Variants in IL1RAPL1 observed in about 807,000 individuals in gnomAD.
IL1RAPL1 encodes interleukin 1 receptor accessory protein like 1.
A neutral mutation model predicts 48.4 loss-of-function variants in IL1RAPL1; 3 were observed. The observed-to-expected ratio is 0.06, with a 90% CI of 0.03 to 0.16. The LOEUF (loss-of-function observed/expected upper bound fraction) is 0.16, where lower values mean the gene tolerates loss of function less well. Among genes scored for constraint, IL1RAPL1 ranks in the 10% least tolerant of loss-of-function variants. The pLI, the probability that IL1RAPL1 is intolerant of heterozygous loss-of-function variation, is 1.00. For missense variants in IL1RAPL1, 349 were observed against 530.6 expected (o/e 0.66, Z 3.36); for synonymous variants, 185 against 187.7 (o/e 0.99, Z 0.12).
At chrX:29,276,138 GTGTT>G (rs1244194269) in intron 2 of IL1RAPL1, among the ~76,000 whole-genome samples, 2 of 111,823 alleles carry the variant, frequency 1.8e-5, no homozygotes, top group Admixed American at 9.5e-5. Context: ...AATTTTATCA[GTGTT>G]TGTTTGGTCT....
At chrX:28,687,677 T>G (rs1399248017) in intron 1 of IL1RAPL1, among the ~76,000 whole-genome samples, 3 of 108,247 alleles carry the variant, frequency 2.8e-5, no homozygotes, top group Admixed American at 9.9e-5. Flanking sequence ...AGCTACTCGG[T>G]AGGCTGAGGC....
chrX:29,459,866 C>A (rs1262436045), intron 5 of IL1RAPL1, among the ~76,000 whole-genome samples: 1 of 111,675 alleles, frequency 9.0e-6, no homozygotes, highest in Non-Finnish European at 1.9e-5. Flanking sequence ...GAACTTATTT[C>A]TCTTATCTAA....
intron 2 of IL1RAPL1, among the ~76,000 whole-genome samples, chrX:29,056,819 TA>T (rs772667276): frequency 8.9e-6 from 1 of 112,135 alleles, no homozygotes; most frequent in Non-Finnish European, 1.9e-5. Context: ...TTCTGAAGCT[TA>T]AAAATTATTT....
At chrX:29,435,660 G>A (rs1222422740) in intron 5 of IL1RAPL1, among the ~76,000 whole-genome samples, 1 of 110,041 alleles carries the variant, frequency 9.1e-6, no homozygotes, top group Non-Finnish European at 1.9e-5. Flanking sequence ...CATGGTATGT[G>A]TCTTGTGACA....
intron 8 of IL1RAPL1, among the ~76,000 whole-genome samples, chrX:29,924,997 C>T (rs771668751): frequency 1.8e-5 from 2 of 111,536 alleles, no homozygotes; most frequent in Non-Finnish European, 3.8e-5. Context: ...CTTCTTGTAA[C>T]GAATCATCCT....
At chrX:29,741,139 GAGA>G (rs1928186446) in intron 6 of IL1RAPL1, among the ~76,000 whole-genome samples, 1 of 112,250 alleles carries the variant, frequency 8.9e-6, no homozygotes, top group Non-Finnish European at 1.9e-5. Context: ...TAAGACTGTG[GAGA>G]TTAGATATTA....
rs1273991226 is a variant in IL1RAPL1, at chrX:29,316,964, A to C, written c.362+33747A>C. Among the ~76,000 whole-genome samples, 3 of 111,240 alleles carry C rather than the reference A, an allele frequency of 2.7e-5. No individual in the cohort carries two copies. In the East Asian group the frequency reaches 8.4e-4, roughly 31 times the overall value. On this transcript the variant is annotated intron_variant, in intron 3 of 10. Coordinates refer to ENST00000378993, the MANE Select transcript of IL1RAPL1 (RefSeq NM_014271.4). ...CTCCAAAAGGGAGGGGGTATAAAAA[A>C]GCGTGTCTGACCTCCTTTCTTGTCA...
intron 2 of IL1RAPL1, among the ~76,000 whole-genome samples, chrX:29,266,472 C>G (rs1007467180): frequency 1.8e-5 from 2 of 111,157 alleles, no homozygotes; most frequent in African/African-American, 6.5e-5. Flanking sequence ...AGCAAGCCCC[C>G]CTCCCAACAG....
intron 5 of IL1RAPL1, among the ~76,000 whole-genome samples, chrX:29,434,272 G>C (rs1934456036): frequency 9.1e-6 from 1 of 109,675 alleles, no homozygotes; most frequent in Admixed American, 9.8e-5. Context: ...ATATTTATTT[G>C]ATTTCTTTCA....
At chrX:29,332,204 C>T (rs1471993273) in intron 3 of IL1RAPL1, among the ~76,000 whole-genome samples, 1 of 69,527 alleles carries the variant, frequency 1.4e-5, no homozygotes, top group Admixed American at 2.3e-4. Context: ...GAAGACTCTT[C>T]TCTCTTCCTG....
At chrX:29,907,467 A>C (rs1335364987) in intron 6 of IL1RAPL1, among the ~76,000 whole-genome samples, 1 of 111,027 alleles carries the variant, frequency 9.0e-6, no homozygotes, top group Non-Finnish European at 1.9e-5. Context: ...AACTCTAATA[A>C]ATCCCACATT....
At chrX:29,869,636 A>G (rs1198336592) in intron 6 of IL1RAPL1, among the ~76,000 whole-genome samples, 3 of 111,501 alleles carry the variant, frequency 2.7e-5, no homozygotes, top group Non-Finnish European at 5.6e-5. Context: ...GTCCTTGACT[A>G]CAAGGAGGTG....
intron 3 of IL1RAPL1, among the ~76,000 whole-genome samples, chrX:29,361,085 A>G (rs1347451711): frequency 8.9e-6 from 1 of 111,899 alleles, no homozygotes; most frequent in East Asian, 2.8e-4. Flanking sequence ...AATGTCTCTG[A>G]GATGAGAAAG....
At chrX:28,818,581 G>T (rs1936895493) in intron 2 of IL1RAPL1, among the ~76,000 whole-genome samples, 1 of 110,649 alleles carries the variant, frequency 9.0e-6, no homozygotes, top group African/African-American at 3.3e-5. Flanking sequence ...TTTCATCTTA[G>T]ACTCTGAAAA....
chrX:29,081,983 A>T (rs1046834079), intron 2 of IL1RAPL1, among the ~76,000 whole-genome samples: 2 of 111,172 alleles, frequency 1.8e-5, no homozygotes, highest in Non-Finnish European at 3.8e-5. Flanking sequence ...TTCTCTTATG[A>T]AATTATACCT....
At chrX:29,127,389 T>A (rs779446106) in intron 2 of IL1RAPL1, among the ~76,000 whole-genome samples, 2 of 111,915 alleles carry the variant, frequency 1.8e-5, no homozygotes, top group Admixed American at 1.9e-4. Context: ...CTGATGCTGC[T>A]GGTCCAGGGA....
At chrX:29,755,951 C>T (rs1928602101) in intron 6 of IL1RAPL1, among the ~76,000 whole-genome samples, 1 of 112,292 alleles carries the variant, frequency 8.9e-6, no homozygotes, top group African/African-American at 3.2e-5. Context: ...TCAAATCCCA[C>T]TTCTACCACT....
intron 2 of IL1RAPL1, among the ~76,000 whole-genome samples, chrX:29,162,270 C>T (rs746228668): frequency 1.8e-5 from 2 of 110,899 alleles, no homozygotes; most frequent in African/African-American, 6.6e-5. Flanking sequence ...GGGCTTAAAA[C>T]CTAGATGATG....
intron 2 of IL1RAPL1, among the ~76,000 whole-genome samples, chrX:29,282,678 A>G (rs1456230028): frequency 8.9e-6 from 1 of 112,001 alleles, no homozygotes; most frequent in African/African-American, 3.2e-5. Flanking sequence ...ATAAATCAAT[A>G]ACCAGCACAC....
Sources: gnomAD v4.1 joint callset for allele counts (sites outside exome capture counted in the v4.1 genomes callset) on GRCh38, gnomAD v4.1.1 for gene constraint, MANE v1.5 for transcripts, NCBI Gene and HGNC (gene_info 2026-07-23, HGNC 2026-07-21) for gene names.